DYNLL1: variants seen among roughly 807,000 people sequenced by gnomAD.
The protein encoded by DYNLL1 is dynein light chain 1, cytoplasmic.
A neutral mutation model predicts 10.1 loss-of-function variants in DYNLL1; 3 were observed. The ratio of observed to expected loss-of-function variants is 0.30; its 90% confidence interval spans 0.14 to 0.77. The LOEUF (loss-of-function observed/expected upper bound fraction) is 0.77. Among genes scored for constraint, DYNLL1 ranks in the 30% least tolerant of loss-of-function variants. The pLI, the probability that DYNLL1 is intolerant of heterozygous loss-of-function variation, is 0.66. For missense variants in DYNLL1, 47 were observed against 111.7 expected, an observed-to-expected ratio of 0.42 and a Z score of 2.61; for synonymous variants, 46 against 41.2, an observed-to-expected ratio of 1.12 and a Z score of -0.45.
chr12:120,487,015 C>T (rs1879009656), intron 1 of DYNLL1, among the ~76,000 whole-genome samples: 1 of 150,922 alleles, frequency 6.6e-6, no homozygotes. Context: ...CGCTCTGTCG[C>T]CCAGGCTGGA....
At chr12:120,478,674 A>ACGG (rs1353996841) in intron 1 of DYNLL1, among the ~76,000 whole-genome samples, 1 of 147,916 alleles carries the variant, frequency 6.8e-6, no homozygotes, top group African/African-American at 2.5e-5. Context: ...CAACATGGTG[A>ACGG]AACCACGTCT....
At chr12:120,470,344 C>T (rs1410017284) in intron 1 of DYNLL1, among the ~76,000 whole-genome samples, 4 of 152,172 alleles carry the variant, frequency 2.6e-5, no homozygotes, top group African/African-American at 9.7e-5. Context: ...TGCTCCCATC[C>T]TAAGTACTGA....
At chr12:120,496,706 C>A in intron 2 of DYNLL1, 153 bp downstream of exon 2, 1 of 1,258,442 alleles carries the variant, frequency 7.9e-7, no homozygotes, top group Non-Finnish European at 1.1e-6. Context: ...GCATTTTGCG[C>A]TCCTGTGGAG....
rs555590064 is a variant in DYNLL1 at position 120,470,913 on chromosome 12, C to T, written c.-7+809C>T. 3.2e-4 allele frequency among the ~76,000 whole-genome samples: 49 copies of T among 152,110 alleles called. 1 individual carries two copies. The South Asian group carries it at 8.5e-3, about 26-fold the overall frequency. ...TACAAAAATTAGCTGGGCGTGGTGG[C>T]GTGTTCCTATAATCCCAGTTACGCG... is the stretch of plus-strand genomic sequence containing the variant. On this transcript the variant is annotated intron_variant, in intron 1 of 2. Transcript: ENST00000392509.
chr12:120,477,119 G>A (rs1257445130), intron 1 of DYNLL1, among the ~76,000 whole-genome samples: 1 of 151,870 alleles, frequency 6.6e-6, no homozygotes, highest in African/African-American at 2.4e-5. Context: ...AGTAGAGATT[G>A]GGTTTCACCA....
upstream of DYNLL1, chr12:120,492,006 A>G (rs990672158): frequency 2.6e-5 from 4 of 152,124 alleles, no homozygotes; most frequent in Non-Finnish European, 5.9e-5. This position sits in a 1 kb window ranked among gnomAD's most constrained non-coding sequence, Gnocchi z 4.1. Flanking sequence ...TCCATCTACC[A>G]TGTGGGACTG....
At chr12:120,490,787 A>C (rs996074845) in intron 1 of DYNLL1, 3 of 151,838 alleles carry the variant, frequency 2.0e-5, no homozygotes, top group African/African-American at 7.3e-5. Flanking sequence ...ACAGCTCCCC[A>C]CAACAACAAC....
rs545605465 is a variant in DYNLL1 at position 120,486,664 on chromosome 12, GGGTCTT to G, written c.-6-9750_-6-9745del. Among the ~76,000 whole-genome samples the G allele has an allele frequency of 1.6e-3, 242 of 152,140 alleles. 2 individuals carry two copies. Among genetic ancestry groups the G allele is most frequent in the African/African-American group, 5.5e-3 (230 of 41,496 alleles). ...TTTATTTTTATTTTTGGTAGAGATG[GGGTCTT>G]GCTATATTGCCCAGGCTGGTCTCCA... is the stretch of plus-strand genomic sequence containing the variant. On this transcript the variant is annotated intron_variant, in intron 1 of 2. Coordinates refer to the DYNLL1 transcript ENST00000392509.
chr12:120,497,935 G>C, intron 2 of DYNLL1, 138 bp from the exon 3 acceptor site: 2 of 840,548 alleles, frequency 2.4e-6, no homozygotes, highest in Non-Finnish European at 3.6e-6. Flanking sequence ...GCTTGGAGCT[G>C]GGGAACATTC....
At chr12:120,473,833 A>T (rs1458149278) in intron 1 of DYNLL1, among the ~76,000 whole-genome samples, 2 of 152,000 alleles carry the variant, frequency 1.3e-5, no homozygotes, top group Non-Finnish European at 2.9e-5. Flanking sequence ...TACAGGCATT[A>T]GCCACGGCAC....
intron 1 of DYNLL1, among the ~76,000 whole-genome samples, chr12:120,472,427 A>G (rs1878670187): frequency 6.6e-6 from 1 of 152,182 alleles, no homozygotes. Flanking sequence ...CCCTGGCCAA[A>G]TATGATCTCG....
At chr12:120,498,042 A>G (rs1251653394) in intron 2 of DYNLL1, 31 bp from the exon 3 acceptor site, 2 of 1,606,484 alleles carry the variant, frequency 1.2e-6, no homozygotes, top group Non-Finnish European at 8.5e-7. Flanking sequence ...TGGTAATTAA[A>G]ATCCTAGTTC....
At chr12:120,479,900 T>C (rs924267487) in intron 1 of DYNLL1, among the ~76,000 whole-genome samples, 28 of 152,206 alleles carry the variant, frequency 1.8e-4, no homozygotes, top group Admixed American at 1.5e-3. Context: ...GTATTTCAGA[T>C]GTTCACTGGC....
At chr12:120,488,735 A>T (rs905116064) in intron 1 of DYNLL1, 3 of 152,078 alleles carry the variant, frequency 2.0e-5, no homozygotes, top group Non-Finnish European at 4.4e-5. Context: ...AACATGGAGA[A>T]ACCCCATGTC....
intron 1 of DYNLL1, chr12:120,488,751 A>G (rs2137065417): frequency 6.6e-6 from 1 of 152,184 alleles, no homozygotes; most frequent in South Asian, 2.1e-4. Context: ...ATGTCAACTA[A>G]AAATACAAAA....
intron 1 of DYNLL1, among the ~76,000 whole-genome samples, chr12:120,482,968 C>T (rs1878914418): frequency 6.6e-6 from 1 of 151,936 alleles, no homozygotes; most frequent in Non-Finnish European, 1.5e-5. Flanking sequence ...GTGGTCCCAG[C>T]TACTCGAGAG....
intron 1 of DYNLL1, among the ~76,000 whole-genome samples, chr12:120,489,081 C>T (rs1879062407): frequency 1.3e-5 from 2 of 152,306 alleles, no homozygotes; most frequent in South Asian, 4.1e-4. Flanking sequence ...TAGCACCTAG[C>T]TCCGGGCCTG....
intron 1 of DYNLL1, among the ~76,000 whole-genome samples, chr12:120,483,968 ACTG>A (rs1362544850): frequency 2.7e-5 from 4 of 150,598 alleles, no homozygotes; most frequent in Non-Finnish European, 5.9e-5. Flanking sequence ...AGAATTGGCC[ACTG>A]TGTTTAGCAG....
chr12:120,482,574 G>A (rs983937804), intron 1 of DYNLL1, among the ~76,000 whole-genome samples: 4 of 151,480 alleles, frequency 2.6e-5, no homozygotes, highest in East Asian at 1.9e-4. Flanking sequence ...CGCCTGCCTC[G>A]GCCTCCCAAA....
Sources: gnomAD v4.1 joint callset for allele counts (sites outside exome capture counted in the v4.1 genomes callset) on GRCh38, gnomAD v4.1.1 for gene constraint, Gnocchi (gnomAD v3.1) non-coding constraint, MANE v1.5 for transcripts, NCBI Gene and HGNC (gene_info 2026-07-23, HGNC 2026-07-21) for gene names.